The following FMNL2 variants were observed in gnomAD, a reference collection of about 807,000 sequenced individuals.
FMNL2 encodes formin-like protein 2.
Under a neutral mutation model 130.2 loss-of-function variants are expected in FMNL2, and 51 were observed. The observed-to-expected ratio is 0.39, with a 90% CI of 0.31 to 0.49. The LOEUF (loss-of-function observed/expected upper bound fraction) is 0.49, where lower values mean the gene tolerates loss of function less well. Among genes scored for constraint, FMNL2 ranks in the 20% least tolerant of loss-of-function variants. The pLI is 0.85. For missense variants in FMNL2, 977 were observed against 1,316.2 expected (o/e 0.74, Z 3.99); for synonymous variants, 465 against 467.1 (o/e 1.00, Z 0.06).
At chr2:152,458,591 A>G (rs1216122521) in intron 1 of FMNL2, among the ~76,000 whole-genome samples, 1 of 152,176 alleles carries the variant, frequency 6.6e-6, no homozygotes, top group South Asian at 2.1e-4. Context: ...ACAAGAATGC[A>G]TTTGCTCTTT....
At chr2:152,349,885 C>A (rs1377232290) in intron 1 of FMNL2, among the ~76,000 whole-genome samples, 1 of 152,148 alleles carries the variant, frequency 6.6e-6, no homozygotes, top group African/African-American at 2.4e-5. Context: ...ATGCTTTATT[C>A]AGACAGTCCA....
intron 1 of FMNL2, among the ~76,000 whole-genome samples, chr2:152,402,198 G>A (rs990204795): frequency 2.2e-4 from 33 of 152,238 alleles, no homozygotes; most frequent in East Asian, 7.7e-4. Flanking sequence ...CACTACGCCC[G>A]GCCGTGTTTG....
intron 1 of FMNL2, among the ~76,000 whole-genome samples, chr2:152,393,083 C>T (rs1685207637): frequency 6.6e-6 from 1 of 152,158 alleles, no homozygotes; most frequent in African/African-American, 2.4e-5. Context: ...GTACCCTTCA[C>T]CCTTCCCTCA....
At chr2:152,458,983 G>T (rs1394925979) in intron 1 of FMNL2, among the ~76,000 whole-genome samples, 19 of 152,202 alleles carry the variant, frequency 1.2e-4, no homozygotes, top group Non-Finnish European at 1.5e-5. Flanking sequence ...ATTCAAAGGT[G>T]TACAGAGAGT....
At chr2:152,511,267 T>G (rs928179509) in intron 1 of FMNL2, among the ~76,000 whole-genome samples, 6 of 152,244 alleles carry the variant, frequency 3.9e-5, no homozygotes, top group African/African-American at 1.2e-4. Context: ...ACCCTGTGAT[T>G]ATAACTGGTT....
intron 12 of FMNL2, among the ~76,000 whole-genome samples, chr2:152,616,130 G>C (rs1016030266): frequency 6.6e-6 from 1 of 151,952 alleles, no homozygotes; most frequent in Non-Finnish European, 1.5e-5. Flanking sequence ...GAATTTAAAG[G>C]AGATGTTAGA....
chr2:152,443,330 C>T (rs968431038), intron 1 of FMNL2, among the ~76,000 whole-genome samples: 3 of 152,058 alleles, frequency 2.0e-5, no homozygotes, highest in African/African-American at 7.2e-5. Context: ...GAGGCTTCTA[C>T]CACTTTGGGA....
At chr2:152,408,763 G>A (rs1449468673) in intron 1 of FMNL2, among the ~76,000 whole-genome samples, 3 of 152,122 alleles carry the variant, frequency 2.0e-5, no homozygotes, top group South Asian at 4.1e-4. Context: ...TTATAATAAA[G>A]TGTTGAATAT....
intron 1 of FMNL2, among the ~76,000 whole-genome samples, chr2:152,359,123 CAT>C (rs1250976759): frequency 6.6e-6 from 1 of 152,116 alleles, no homozygotes; most frequent in Non-Finnish European, 1.5e-5. Flanking sequence ...GTTTTACAAA[CAT>C]AAATAAAATT....
At chr2:152,609,137 C>T (rs575530240) in intron 10 of FMNL2, among the ~76,000 whole-genome samples, 4 of 152,322 alleles carry the variant, frequency 2.6e-5, no homozygotes, top group African/African-American at 9.6e-5. Context: ...CTTTAAAACA[C>T]CTGTACTATC....
intron 1 of FMNL2, among the ~76,000 whole-genome samples, chr2:152,367,522 G>A (rs893672163): frequency 6.6e-6 from 1 of 152,124 alleles, no homozygotes; most frequent in African/African-American, 2.4e-5. Flanking sequence ...AATAATTTTG[G>A]CATCAGAGAA....
intron 1 of FMNL2, chr2:152,389,961 G>T (rs1407901248): frequency 1.5e-6 from 2 of 1,323,768 alleles, no homozygotes; most frequent in Non-Finnish European, 2.2e-6. Context: ...AGACCTCGGG[G>T]CCCCAGATAA....
At chr2:152,593,839 GA>G (rs1273839596) in intron 9 of FMNL2, among the ~76,000 whole-genome samples, 1 of 27,492 alleles carries the variant, frequency 3.6e-5, no homozygotes, top group Non-Finnish European at 9.3e-5. Context: ...GGTGACTAGG[GA>G]GAGAGAGAGA....
Position 152,630,169 on chromosome 2 carries a change from C to T in FMNL2, c.2550+264C>T, listed in dbSNP as rs1351080660. On this transcript the variant is annotated intron_variant, in intron 20 of 25. Transcript: ENST00000288670. ...TATTTTATTTATAATTGCAAATTAA[C>T]AATCTAAAGGTCTAACTGTGGGAAT... 3.3e-5 allele frequency among the ~76,000 whole-genome samples: 5 copies of T among 152,232 alleles called. No individual in the cohort carries two copies. The East Asian group carries it at 9.6e-4, about 29-fold the overall frequency.
intron 8 of FMNL2, among the ~76,000 whole-genome samples, chr2:152,580,391 A>G (rs1336800737): frequency 1.3e-5 from 2 of 152,240 alleles, no homozygotes; most frequent in Non-Finnish European, 1.5e-5. Context: ...TAAAGCTAGT[A>G]AAGCTGTAAT....
At chr2:152,469,493 C>T (rs956188120) in intron 1 of FMNL2, among the ~76,000 whole-genome samples, 3 of 152,194 alleles carry the variant, frequency 2.0e-5, no homozygotes, top group Admixed American at 2.0e-4. Flanking sequence ...CAGCTGCACC[C>T]GTCTTCTGAC....
chr2:152,585,922 A>C (rs931536265), intron 9 of FMNL2, among the ~76,000 whole-genome samples: 14 of 26,234 alleles, frequency 5.3e-4, no homozygotes, highest in African/African-American at 1.4e-3. Context: ...AGGTTTGGCA[A>C]AAAAAAAAAA....
At chr2:152,561,427 C>G (rs944808498) in intron 6 of FMNL2, among the ~76,000 whole-genome samples, 2 of 152,012 alleles carry the variant, frequency 1.3e-5, no homozygotes, top group Admixed American at 1.3e-4. Flanking sequence ...TTTGTCCTTC[C>G]GCTCTCTTTC....
intron 4 of FMNL2, among the ~76,000 whole-genome samples, chr2:152,553,480 C>T (rs969486129): frequency 4.0e-5 from 6 of 151,328 alleles, no homozygotes; most frequent in East Asian, 1.9e-4. Context: ...TTAGAAGCAC[C>T]GAGATTTGAG....
Sources: allele counts gnomAD v4.1 joint callset (sites outside exome capture counted in the v4.1 genomes callset), GRCh38; gene constraint gnomAD v4.1.1; transcripts MANE v1.5; gene names NCBI Gene and HGNC (gene_info 2026-07-23, HGNC 2026-07-21).